Variants in ADAMTSL4 observed in about 807,000 individuals in gnomAD.
ADAMTSL4 encodes the protein ADAMTS-like protein 4.
In ADAMTSL4, 97 loss-of-function variants were observed where a neutral mutation model predicts 122.8. That is an observed-to-expected ratio of 0.79 (90% CI 0.67 to 0.93). The LOEUF (loss-of-function observed/expected upper bound fraction) is 0.93. Ranked by LOEUF, ADAMTSL4 falls within the 40% of genes least tolerant of loss-of-function variation. The probability of loss-of-function intolerance (pLI) is 0.00; values close to 1 mark genes in which losing one functional copy is unlikely to be tolerated. For synonymous variants in ADAMTSL4, 592 were observed against 568.0 expected (o/e 1.04, Z -0.60); for missense variants, 1,408 against 1,453.5 (o/e 0.97, Z 0.51).
In ADAMTSL4 at chr1:150,555,507, A is replaced by T; in HGVS notation, c.1313A>T (p.Gln438Leu). 1 of 1,614,210 alleles carries T rather than the reference A, an allele frequency of 6.2e-7. No individual in the cohort carries two copies. Residue 438 changes from glutamine to leucine, a missense_variant, in exon 8 of 19, where the codon CAG becomes CTG. Physicochemically the swap from Gln to Leu is moderately radical, Grantham distance 113 (BLOSUM62 -2). Coordinates refer to ENST00000271643, the MANE Select transcript of ADAMTSL4 (RefSeq NM_019032.6). ...TATGTCCGTCACACTGAAAAGGTCC[A>T]GGATGGGACCCTGTGTCAGCCTGGA... ...RFYVRHTEKVQDGTLCQPGAP... is the reference protein window; with the variant it reads ...RFYVRHTEKVLDGTLCQPGAP...
chr1:150,559,499 C>T lies in ADAMTSL4; in HGVS notation c.2943+33C>T, dbSNP rs763669899. ...TCTGGCTGCGCTGTCCTGCCCTGCT[C>T]AGCCTGGGCCCCTAGGGGAGGGGAG... is the stretch of plus-strand genomic sequence containing the variant. On this transcript the variant is annotated intron_variant, in intron 17 of 18. Transcript: ENST00000271643. The surrounding 1 kb of genome is among the most constrained non-coding windows in gnomAD (Gnocchi z 4.1). 6 of 1,611,300 alleles carry T rather than the reference C, an allele frequency of 3.7e-6. No homozygotes were observed. Among genetic ancestry groups the T allele is most frequent in the East Asian group, 2.2e-5 (1 of 44,888 alleles).
Position 150,559,231 on chromosome 1 carries a change from T to C in ADAMTSL4, c.2764-56T>C, listed in dbSNP as rs1197825162. 40 of 1,612,624 alleles carry C rather than the reference T, an allele frequency of 2.5e-5. No homozygotes were observed. Among genetic ancestry groups the C allele is most frequent in the Non-Finnish European group, 3.4e-5 (40 of 1,179,448 alleles). ...TCCCAGTGGGATTCCTTGTGGGCAC[T>C]TGGGGTGCTCTCTGTCCTCCCCTCC... On this transcript the variant is annotated intron_variant, in intron 16 of 18. Transcript: ENST00000271643. The surrounding 1 kb of genome is among the most constrained non-coding windows in gnomAD (Gnocchi z 4.1).
In ADAMTSL4 at chr1:150,556,792, A is replaced by G; in HGVS notation, c.1748A>G (p.Tyr583Cys). Residue 583 changes from tyrosine to cysteine, a missense_variant and splice_region_variant, in exon 10 of 19, where the codon TAT becomes TGT. Coordinates refer to ENST00000271643, the MANE Select transcript of ADAMTSL4 (RefSeq NM_019032.6). This position sits in a 1 kb window ranked among gnomAD's most constrained non-coding sequence, Gnocchi z 4.1. The part of the protein sequence containing the change: ...EGPTTQPVDV[Y>C]MIFQEENPGV... Reference sequence around the variant, plus strand: ...CCCACCACCCAGCCTGTGGATGTCTATGTGAGCCTGGGGCCAGGGGCAGCT... The same window carrying G: ...CCCACCACCCAGCCTGTGGATGTCTGTGTGAGCCTGGGGCCAGGGGCAGCT... 1 of 1,613,224 alleles carries G rather than the reference A, an allele frequency of 6.2e-7. No individual in the cohort carries two copies. Among genetic ancestry groups the G allele is most frequent in the Non-Finnish European group, 8.5e-7 (1 of 1,179,406 alleles).
At position 150,552,120 on chromosome 1, in the gene ADAMTSL4, C is replaced by A; in HGVS notation, c.-84-85C>A. 2.9e-6 allele frequency: 2 copies of A among 682,228 alleles called. No homozygotes were observed. Among genetic ancestry groups the A allele is most frequent in the African/African-American group, 3.6e-5 (2 of 55,444 alleles). The allele number at this position is 682,228 out of a possible 1,614,324, so 42.3% of individuals were successfully genotyped here. A position where few individuals can be genotyped will look rare whatever the true frequency, so the allele number is the denominator to read the frequency against. On this transcript the variant is annotated intron_variant, in intron 2 of 18. Coordinates refer to ENST00000271643, the MANE Select transcript of ADAMTSL4 (RefSeq NM_019032.6). The surrounding 1 kb of genome is among the most constrained non-coding windows in gnomAD (Gnocchi z 4.0). ...CTAAAGGGATGGACCAGTTTCACCC[C>A]CTCCTCCATATTCTCTGAGCTGTCC...
intron 15 of ADAMTSL4, 64 bp downstream of exon 15, chr1:150,558,713 T>C: frequency 6.2e-7 from 1 of 1,612,836 alleles, no homozygotes; most frequent in Non-Finnish European, 8.5e-7. Flanking sequence ...CACCTCAGCC[T>C]TTCCAGCATA....
At chr1:150,550,653 G>A (rs1671312850) in intron 2 of ADAMTSL4, 1 of 432,594 alleles carries the variant, frequency 2.3e-6, no homozygotes, top group African/African-American at 2.0e-5. Flanking sequence ...GAAGACTTGG[G>A]TGGAACATGG....
chr1:150,555,864 A>C (rs1021990076), intron 8 of ADAMTSL4: 41 of 603,794 alleles, frequency 6.8e-5, no homozygotes, highest in Admixed American at 1.6e-4. Context: ...CACATGCATG[A>C]ACACATGCAC....
At position 150,553,931 on chromosome 1, in the gene ADAMTSL4, C is replaced by A. The variant is rs1374002300; in HGVS notation, c.940C>A (p.Gln314Lys). The A allele has an allele frequency of 6.2e-7, 1 of 1,610,942 alleles. No individual in the cohort carries two copies. Among genetic ancestry groups the A allele is most frequent in the Non-Finnish European group, 8.5e-7 (1 of 1,178,910 alleles). ...SVPRGRGQQG[Q>K]GPWGTGGTPH... ...CCCTCGGGGCCGAGGCCAGCAGGGCCAAGGGCCTTGGGGAACGGGGGGGAC... is the reference window on the plus strand; with the variant it reads ...CCCTCGGGGCCGAGGCCAGCAGGGCAAAGGGCCTTGGGGAACGGGGGGGAC... Residue 314 changes from glutamine to lysine, a missense_variant, in exon 6 of 19, where the codon CAA becomes AAA. Transcript: ENST00000271643.
Position 150,554,785 on chromosome 1 carries a change from A to G in ADAMTSL4, c.1234+318A>G. 5 of 909,184 alleles carry G rather than the reference A, an allele frequency of 5.5e-6. No individual in the cohort carries two copies. Among genetic ancestry groups the G allele is most frequent in the Non-Finnish European group, 8.2e-6 (5 of 611,234 alleles). 56.3% of individuals were successfully genotyped at this position (909,184 alleles called of 1,614,324 possible). A position where few individuals can be genotyped will look rare whatever the true frequency, so the allele number is the denominator to read the frequency against. The stretch of plus-strand genomic sequence containing the variant: ...GAGATCCTGTCCAGCCGTGACAGCC[A>G]GGTGGGGGTGTGCCACGCATCCTGG... On this transcript the variant is annotated intron_variant, in intron 7 of 18. Coordinates refer to ENST00000271643, the MANE Select transcript of ADAMTSL4 (RefSeq NM_019032.6). This position sits in a 1 kb window ranked among gnomAD's most constrained non-coding sequence, Gnocchi z 4.0.
chr1:150,552,942 G>A lies in ADAMTSL4; in HGVS notation c.123G>A (p.Gln41=), dbSNP rs1377686203. 1 of 1,612,980 alleles carries A rather than the reference G, an allele frequency of 6.2e-7. No homozygotes were observed. Among genetic ancestry groups the A allele is most frequent in the Non-Finnish European group, 8.5e-7 (1 of 1,180,000 alleles). Residue 41 remains glutamine (Q), a synonymous_variant, in exon 5 of 19, where the codon CAG becomes CAA. Transcript: ENST00000271643. The surrounding 1 kb of genome is among the most constrained non-coding windows in gnomAD (Gnocchi z 4.0). Reference sequence around the variant, plus strand: ...TTCAGACACCTACAGAGGAGGGCCAGGGCCCCGAAGGTGTCTGGGGACCTT... The same window carrying A: ...TTCAGACACCTACAGAGGAGGGCCAAGGCCCCGAAGGTGTCTGGGGACCTT... ...HSLQTPTEEG[Q]GPEGVWGPWV...
intron 15 of ADAMTSL4, 77 bp from the exon 16 acceptor site, chr1:150,558,885 T>C: frequency 6.5e-7 from 1 of 1,541,976 alleles, no homozygotes; most frequent in Non-Finnish European, 8.7e-7. Context: ...CCAGGATGCG[T>C]CCCTCCCTGC....
intron 2 of ADAMTSL4, chr1:150,551,965 A>G: frequency 2.7e-6 from 1 of 368,554 alleles, no homozygotes; most frequent in Non-Finnish European, 4.9e-6. Context: ...TTTGGGGAGG[A>G]GCTAAGAAGC....
rs587759450 is a variant in ADAMTSL4 at position 150,557,783 on chromosome 1, A to G, written c.2177+160A>G. 38 of 1,313,202 alleles carry G rather than the reference A, an allele frequency of 2.9e-5. No homozygotes were observed. The African/African-American group carries it at 5.3e-4, about 18-fold the overall frequency. The allele number at this position is 1,313,202 out of a possible 1,614,324, so 81.3% of individuals were successfully genotyped here. Reference sequence around the variant, plus strand: ...ACATTCGGTAGGCAGCAAGAAAGCCATGGCAGGCTGAGCCCCCCAGGAACC... The same window carrying G: ...ACATTCGGTAGGCAGCAAGAAAGCCGTGGCAGGCTGAGCCCCCCAGGAACC... On this transcript the variant is annotated intron_variant, in intron 13 of 18. Coordinates refer to ENST00000271643, the MANE Select transcript of ADAMTSL4 (RefSeq NM_019032.6).
chr1:150,557,729 A>G, intron 13 of ADAMTSL4, 106 bp downstream of exon 13: 1 of 1,401,050 alleles, frequency 7.1e-7, no homozygotes. Flanking sequence ...TCCTGGCTGC[A>G]GAGAGACAAC....
At position 150,559,649 on chromosome 1, in the gene ADAMTSL4, A is replaced by G. The variant is rs1560305605; in HGVS notation, c.2944-112A>G. 6.3e-7 allele frequency: 1 copy of G among 1,581,056 alleles called. No individual in the cohort carries two copies. Among genetic ancestry groups the G allele is most frequent in the Non-Finnish European group, 8.6e-7 (1 of 1,160,294 alleles). Reference sequence around the variant, plus strand: ...GGCCCTCTCCATTTGGGATTTCACAATGTCCTAGGAGGGTCCCCACCACCA... The same window carrying G: ...GGCCCTCTCCATTTGGGATTTCACAGTGTCCTAGGAGGGTCCCCACCACCA... On this transcript the variant is annotated intron_variant, in intron 17 of 18. Coordinates refer to ENST00000271643, the MANE Select transcript of ADAMTSL4 (RefSeq NM_019032.6). The surrounding 1 kb of genome is among the most constrained non-coding windows in gnomAD (Gnocchi z 4.1).
In ADAMTSL4 at chr1:150,557,804, G is replaced by A. The variant is rs987161973; in HGVS notation, c.2178-141G>A. 7.0e-6 allele frequency: 9 copies of A among 1,291,276 alleles called. No individual in the cohort carries two copies. The African/African-American group carries it at 1.3e-4, about 19-fold the overall frequency. The allele number at this position is 1,291,276 out of a possible 1,614,324, so 80.0% of individuals were successfully genotyped here. Reference sequence around the variant, plus strand: ...AGCCATGGCAGGCTGAGCCCCCCAGGAACCCAGACTCCAAACGCCAAACGT... The same window carrying A: ...AGCCATGGCAGGCTGAGCCCCCCAGAAACCCAGACTCCAAACGCCAAACGT... On this transcript the variant is annotated intron_variant, in intron 13 of 18. Coordinates refer to ENST00000271643, the MANE Select transcript of ADAMTSL4 (RefSeq NM_019032.6).
chr1:150,551,996 G>A, intron 2 of ADAMTSL4: 1 of 477,422 alleles, frequency 2.1e-6, no homozygotes, highest in Non-Finnish European at 3.7e-6. Context: ...CCCAGAGGTG[G>A]GGACTGAGCC....
intron 8 of ADAMTSL4, 105 bp downstream of exon 8, chr1:150,555,670 C>T: frequency 1.3e-6 from 2 of 1,499,368 alleles, no homozygotes; most frequent in Middle Eastern, 2.0e-4. Flanking sequence ...CACATGCACA[C>T]ATGCAAGCAC....
At chr1:150,555,827 GCAGA>G (rs1263911642) in intron 8 of ADAMTSL4, 2 of 615,864 alleles carry the variant, frequency 3.2e-6, no homozygotes, top group Admixed American at 5.0e-5. Context: ...ACACACGTAT[GCAGA>G]CACATGCACA....
Sources: gnomAD v4.1 joint callset for allele counts on GRCh38, gnomAD v4.1.1 for gene constraint, Gnocchi (gnomAD v3.1) non-coding constraint, MANE v1.5 for transcripts, NCBI Gene and HGNC (gene_info 2026-07-23, HGNC 2026-07-21) for gene names.